OSBPL9: variants seen among roughly 807,000 people sequenced by gnomAD.
The protein encoded by OSBPL9 is oxysterol binding protein like 9, also known as oxysterol-binding protein-related protein 9.
In OSBPL9, 40 loss-of-function variants were observed where a neutral mutation model predicts 106.6. The ratio of observed to expected loss-of-function variants is 0.38; its 90% confidence interval spans 0.29 to 0.49. The LOEUF (loss-of-function observed/expected upper bound fraction) is 0.49, where lower values mean the gene tolerates loss of function less well. Ranked by LOEUF, OSBPL9 falls within the 20% of genes least tolerant of loss-of-function variation. The probability of loss-of-function intolerance (pLI) is 0.97; values close to 1 mark genes in which losing one functional copy is unlikely to be tolerated. For missense variants in OSBPL9, 609 were observed against 887.2 expected (o/e 0.69, Z 3.98); for synonymous variants, 269 against 295.4 (o/e 0.91, Z 0.92).
At chr1:51,769,540 AT>A (rs1327137141) in intron 12 of OSBPL9, among the ~76,000 whole-genome samples, 2 of 152,218 alleles carry the variant, frequency 1.3e-5, no homozygotes, top group Non-Finnish European at 2.9e-5. Context: ...CATACCGTGT[AT>A]GGTGCATACA....
intron 7 of OSBPL9, among the ~76,000 whole-genome samples, chr1:51,749,877 TA>T (rs1218791347): frequency 0.011 from 1,394 of 131,366 alleles, 4 homozygotes; most frequent in South Asian, 0.016. Flanking sequence ...CCTTGTCTCT[TA>T]AAAAAAAAAA....
At chr1:51,545,416 T>TA in the OSBPL9 span, among the ~76,000 whole-genome samples, 1 of 151,706 alleles carries the variant, frequency 6.6e-6, no homozygotes, top group African/African-American at 2.4e-5. Context: ...AAATAAAAAA[T>TA]AAAAAAATTA....
chr1:51,721,567 A>G lies in OSBPL9; in HGVS notation c.318+7488A>G, dbSNP rs527898225. Reference sequence around the variant, plus strand: ...TTGGGATGCCTTGATTCTACCCTCAATAGCTATAATGGATTATGTGTCTGA... The same window carrying G: ...TTGGGATGCCTTGATTCTACCCTCAGTAGCTATAATGGATTATGTGTCTGA... On this transcript the variant is annotated intron_variant, in intron 4 of 23. Transcript: ENST00000428468. Among the ~76,000 whole-genome samples, 15 of 152,316 alleles carry G rather than the reference A, an allele frequency of 9.8e-5. No homozygotes were observed. In the South Asian group the frequency reaches 1.2e-3, roughly 13 times the overall value.
intron 2 of OSBPL9, among the ~76,000 whole-genome samples, chr1:51,663,007 G>A (rs1428371620): frequency 2.0e-5 from 3 of 152,048 alleles, no homozygotes; most frequent in African/African-American, 7.2e-5. Flanking sequence ...GCCTCCCAAA[G>A]TACTGGGATT....
At chr1:51,537,233 T>C in the OSBPL9 span, among the ~76,000 whole-genome samples, 4 of 152,224 alleles carry the variant, frequency 2.6e-5, no homozygotes, top group Non-Finnish European at 5.9e-5. Flanking sequence ...ATTTTTTAAA[T>C]GTTCAACTTG....
Position 51,641,428 on chromosome 1 carries a change from G to C in OSBPL9, c.112-10563G>C, listed in dbSNP as rs375554422. Among the ~76,000 whole-genome samples the C allele has an allele frequency of 4.7e-4, 71 of 152,272 alleles. 3 individuals carry two copies. The South Asian group carries it at 0.012, about 25-fold the overall frequency. On this transcript the variant is annotated intron_variant, in intron 1 of 23. Coordinates refer to ENST00000428468, the MANE Select transcript of OSBPL9 (RefSeq NM_024586.6). ...GGATGTAAACATTCAGTCCATTACA[G>C]TATGTATTCCTATAAATACATGTTT...
chr1:51,737,547 T>G (rs1264037811), intron 4 of OSBPL9, among the ~76,000 whole-genome samples: 7 of 8,990 alleles, frequency 7.8e-4, no homozygotes, highest in East Asian at 3.9e-3. Context: ...ATTTCAGGGG[T>G]GTGTGTGTGT....
intron 2 of OSBPL9, 86 bp from the exon 3 acceptor site, chr1:51,669,348 G>T: frequency 3.7e-6 from 4 of 1,086,442 alleles, no homozygotes; most frequent in South Asian, 2.9e-5. Flanking sequence ...TGTCGTTGGT[G>T]CATTGAGTAT....
chr1:51,634,400 T>C (rs1570679911), intron 1 of OSBPL9, among the ~76,000 whole-genome samples: 1 of 152,320 alleles, frequency 6.6e-6, no homozygotes, highest in South Asian at 2.1e-4. Context: ...TTTAGTATTT[T>C]GGGTGGTATG....
At chr1:51,565,372 G>A in the OSBPL9 span, among the ~76,000 whole-genome samples, 3 of 152,016 alleles carry the variant, frequency 2.0e-5, no homozygotes, top group Non-Finnish European at 4.4e-5. Context: ...ACTAACCACT[G>A]TGCCTTTGCT....
At chr1:51,616,306 T>C (rs540939512), upstream of OSBPL9, among the ~76,000 whole-genome samples, 19 of 152,258 alleles carry the variant, frequency 1.2e-4, no homozygotes, top group Non-Finnish European at 2.8e-4. Flanking sequence ...AAATTGCCCC[T>C]GTAGGCTGTT....
intron 17 of OSBPL9, 77 bp from the exon 18 acceptor site, chr1:51,783,838 T>TTA (rs1676973536): frequency 9.1e-7 from 1 of 1,104,276 alleles, no homozygotes; most frequent in African/African-American, 1.6e-5. Flanking sequence ...ATGAAGCCAA[T>TTA]TATTTCCCCA....
At chr1:51,695,886 G>C (rs910961388) in intron 3 of OSBPL9, among the ~76,000 whole-genome samples, 1 of 152,176 alleles carries the variant, frequency 6.6e-6, no homozygotes, top group African/African-American at 2.4e-5. Context: ...TAGAGATGGG[G>C]CTCAGGCATT....
chr1:51,584,716 C>CAAAAT (rs779814302), intron 1 of OSBPL9, among the ~76,000 whole-genome samples: 1 of 152,096 alleles, frequency 6.6e-6, no homozygotes, highest in African/African-American at 2.4e-5. Context: ...GACTCCGTCT[C>CAAAAT]AAAATAAAAT....
intron 2 of OSBPL9, among the ~76,000 whole-genome samples, chr1:51,658,072 C>T (rs1646921559): frequency 2.0e-5 from 3 of 151,220 alleles, no homozygotes; most frequent in Admixed American, 1.3e-4. Context: ...CATACTACTG[C>T]ACTCCAGCCT....
chr1:51,720,230 G>A (rs2148908612), intron 4 of OSBPL9, among the ~76,000 whole-genome samples: 1 of 152,338 alleles, frequency 6.6e-6, no homozygotes, highest in South Asian at 2.1e-4. Context: ...TGAAAACACA[G>A]GAGATTGTTG....
chr1:51,758,714 C>CT (rs1324107393), intron 9 of OSBPL9, among the ~76,000 whole-genome samples: 1 of 152,156 alleles, frequency 6.6e-6, no homozygotes, highest in African/African-American at 2.4e-5. Context: ...TATTTTATTT[C>CT]TTATTCCCTT....
intron 4 of OSBPL9, among the ~76,000 whole-genome samples, chr1:51,724,148 G>T (rs1662667135): frequency 6.6e-6 from 1 of 152,102 alleles, no homozygotes; most frequent in Non-Finnish European, 1.5e-5. Flanking sequence ...GTTTTGCCAT[G>T]TTGCCCAGGC....
At chr1:51,752,673 A>G (rs372195698) in intron 8 of OSBPL9, 2 of 406,652 alleles carry the variant, frequency 4.9e-6, no homozygotes, top group Non-Finnish European at 9.8e-6. Context: ...GTTTCTGATG[A>G]GGGTCCTTCT....
Sources: gnomAD v4.1 joint callset for allele counts (sites outside exome capture counted in the v4.1 genomes callset) on GRCh38, gnomAD v4.1.1 for gene constraint, MANE v1.5 for transcripts, NCBI Gene and HGNC (gene_info 2026-07-23, HGNC 2026-07-21) for gene names.